SLC5A10: variants seen among roughly 807,000 people sequenced by gnomAD.
The protein encoded by SLC5A10 is solute carrier family 5 member 10, also known as sodium/mannose cotransporter SLC5A10.
SLC5A10 carries 55 observed loss-of-function variants against 68.9 expected under a neutral mutation model. That is an observed-to-expected ratio of 0.80 (90% confidence interval 0.64 to 1.00). The LOEUF (loss-of-function observed/expected upper bound fraction) is 1.00, where lower values mean the gene tolerates loss of function less well. SLC5A10 is among the 50% of genes least tolerant of loss of function. The pLI, the probability that SLC5A10 is intolerant of heterozygous loss-of-function variation, is 0.00. For missense variants in SLC5A10, 732 were observed against 819.3 expected (o/e 0.89, Z 1.30); for synonymous variants, 344 against 344.8 (o/e 1.00, Z 0.02).
At chr17:18,962,314 G>GGGGATGA (rs752908865) in intron 5 of SLC5A10, among the ~76,000 whole-genome samples, 28 of 152,156 alleles carry the variant, frequency 1.8e-4, no homozygotes, top group Non-Finnish European at 3.2e-4. Flanking sequence ...ATGGGGGATG[G>GGGGATGA]GAGCAAATGA....
intron 9 of SLC5A10, among the ~76,000 whole-genome samples, chr17:18,985,020 C>T (rs2043234392): frequency 2.0e-5 from 3 of 152,200 alleles, no homozygotes; most frequent in South Asian, 2.1e-4. Context: ...AACAGGGCAG[C>T]GTTTCGAGAG....
At position 18,980,302 on chromosome 17, in the gene SLC5A10, C is replaced by T. The variant is rs542080045; in HGVS notation, c.982+3313C>T. On this transcript the variant is annotated intron_variant, in intron 9 of 14. Transcript: ENST00000395645. ...CATGGCCAGGACACCACCCAGCACC[C>T]AGGCCAGGTCCTGTAAATGGTCAGA... Among the ~76,000 whole-genome samples the T allele has an allele frequency of 2.1e-4, 32 of 152,268 alleles. No individual in the cohort carries two copies. In the East Asian group the frequency reaches 5.0e-3, roughly 24 times the overall value.
At chr17:18,989,120 G>A (rs770784300) in intron 9 of SLC5A10, among the ~76,000 whole-genome samples, 5 of 152,180 alleles carry the variant, frequency 3.3e-5, no homozygotes, top group Non-Finnish European at 5.9e-5. Context: ...GGGCACAGCC[G>A]CCTACACTGC....
intron 11 of SLC5A10, 149 bp from the exon 12 acceptor site, chr17:19,019,274 A>C: frequency 1.1e-6 from 1 of 928,652 alleles, no homozygotes; most frequent in South Asian, 1.7e-5. Flanking sequence ...TGGCCAGGTC[A>C]CTGGTGGTGT....
intron 9 of SLC5A10, among the ~76,000 whole-genome samples, chr17:18,988,758 C>T (rs1054575641): frequency 2.0e-5 from 3 of 152,232 alleles, no homozygotes; most frequent in Non-Finnish European, 4.4e-5. Flanking sequence ...CGTGGCGGCT[C>T]GCTGGGGCAT....
intron 9 of SLC5A10, among the ~76,000 whole-genome samples, chr17:18,988,093 C>A (rs1205556821): frequency 6.6e-6 from 1 of 152,244 alleles, no homozygotes; most frequent in Non-Finnish European, 1.5e-5. Context: ...CAAGCAGTGG[C>A]TATGTGACTG....
intron 9 of SLC5A10, among the ~76,000 whole-genome samples, chr17:19,012,806 G>C (rs551334770): frequency 1.2e-4 from 18 of 152,342 alleles, no homozygotes; most frequent in Non-Finnish European, 2.4e-4. Context: ...CAGGGTTGGA[G>C]ACAGGGGTGT....
Position 19,004,243 on chromosome 17 carries a change from C to A in SLC5A10, c.983-9167C>A, listed in dbSNP as rs1179676441. 1.9e-6 allele frequency: 1 copy of A among 535,630 alleles called. No individual in the cohort carries two copies. Among genetic ancestry groups the A allele is most frequent in the African/African-American group, 2.0e-5 (1 of 48,848 alleles). The allele number at this position is 535,630 out of a possible 1,614,324, so 33.2% of individuals were successfully genotyped here. ...GCGGGGAGGGGCGGCGGGGGCGGGGCCGGGAACTCAGGTGGGCGTGGGAAG... is the reference window on the plus strand; with the variant it reads ...GCGGGGAGGGGCGGCGGGGGCGGGGACGGGAACTCAGGTGGGCGTGGGAAG... On this transcript the variant is annotated intron_variant, in intron 9 of 14. Transcript: ENST00000395645. This position sits in a 1 kb window ranked among gnomAD's most constrained non-coding sequence, Gnocchi z 5.4.
At position 19,021,945 on chromosome 17, in the gene SLC5A10, G is replaced by C; in HGVS notation, c.*1514G>C. On this transcript the variant is annotated 3_prime_UTR_variant, in exon 15 of 15. Transcript: ENST00000395645. This position sits in a 1 kb window ranked among gnomAD's most constrained non-coding sequence, Gnocchi z 4.1. ...TGTAAAAAGGCCCGTTGGCCAGATC[G>C]GCCGCCGGGCTGCTCACAGGTGCAC... The C allele has an allele frequency of 1.3e-6, 2 of 1,497,582 alleles. No individual in the cohort carries two copies. Among genetic ancestry groups the C allele is most frequent in the East Asian group, 2.4e-5 (1 of 41,182 alleles). 92.8% of individuals were successfully genotyped at this position (1,497,582 alleles called of 1,614,324 possible). A position where few individuals can be genotyped will look rare whatever the true frequency, so the allele number is the denominator to read the frequency against.
intron 3 of SLC5A10, 54 bp downstream of exon 3, chr17:18,959,293 C>A: frequency 3.2e-6 from 5 of 1,562,888 alleles, no homozygotes; most frequent in East Asian, 4.5e-5. Context: ...AGGATGTGGT[C>A]GCAGCACTGG....
chr17:18,984,439 C>T (rs897138779), intron 9 of SLC5A10, among the ~76,000 whole-genome samples: 8 of 151,944 alleles, frequency 5.3e-5, no homozygotes, highest in Admixed American at 3.9e-4. Context: ...CCCCGGGGAA[C>T]GGGGGAACCT....
chr17:19,007,193 A>T (rs78100191), intron 9 of SLC5A10, among the ~76,000 whole-genome samples: 144 of 133,572 alleles, frequency 1.1e-3, no homozygotes, highest in Middle Eastern at 3.9e-3. Flanking sequence ...TGTTACCGCT[A>T]TTTTTTTTTT....
chr17:18,982,328 G>A (rs1179353301), intron 9 of SLC5A10, among the ~76,000 whole-genome samples: 2 of 152,188 alleles, frequency 1.3e-5, no homozygotes, highest in African/African-American at 4.8e-5. Flanking sequence ...CCCAGCTTGT[G>A]CCTGGATGGG....
At chr17:18,961,970 G>T (rs62076169) in intron 5 of SLC5A10, among the ~76,000 whole-genome samples, 9,585 of 152,294 alleles carry the variant, frequency 0.063, 436 homozygotes, top group Non-Finnish European at 0.093. Flanking sequence ...TACTGTAGGA[G>T]GTTTGCTTTC....
At chr17:18,987,065 G>A (rs923712795) in intron 9 of SLC5A10, among the ~76,000 whole-genome samples, 20 of 152,332 alleles carry the variant, frequency 1.3e-4, no homozygotes, top group Middle Eastern at 3.4e-3. Context: ...AACCGGAGGC[G>A]TTGGGGTTGG....
At chr17:19,013,224 G>A in intron 9 of SLC5A10, 186 bp from the exon 10 acceptor site, 2 of 861,924 alleles carry the variant, frequency 2.3e-6, no homozygotes, top group South Asian at 4.0e-5. Flanking sequence ...GCAGGGAAAA[G>A]GATTTTCAGA....
chr17:19,013,855 GCCACAGTCC>G (rs1477552342), intron 10 of SLC5A10, among the ~76,000 whole-genome samples: 2 of 152,064 alleles, frequency 1.3e-5, no homozygotes, highest in Non-Finnish European at 2.9e-5. Flanking sequence ...CCATTGTTGG[GCCACAGTCC>G]CTCTCTAGGT....
chr17:18,970,793 G>A (rs1212514146), intron 7 of SLC5A10: 1 of 574,000 alleles, frequency 1.7e-6, no homozygotes, highest in Non-Finnish European at 3.1e-6. Flanking sequence ...TTACTTAATA[G>A]TATTATTTTA....
intron 9 of SLC5A10, chr17:18,979,492 G>A (rs750024364): frequency 2.5e-5 from 40 of 1,598,610 alleles, no homozygotes; most frequent in Non-Finnish European, 3.4e-5. Flanking sequence ...AAGGGCAGAA[G>A]CCAGTTGGGA....
Sources: gnomAD v4.1 joint callset for allele counts (sites outside exome capture counted in the v4.1 genomes callset) on GRCh38, gnomAD v4.1.1 for gene constraint, Gnocchi (gnomAD v3.1) non-coding constraint, MANE v1.5 for transcripts, NCBI Gene and HGNC (gene_info 2026-07-23, HGNC 2026-07-21) for gene names.